CHIC1: variants seen among roughly 807,000 people sequenced by gnomAD.
CHIC1 encodes the protein cysteine rich hydrophobic domain 1.
Under a neutral mutation model 18.5 loss-of-function variants are expected in CHIC1, and 7 were observed. The ratio of observed to expected loss-of-function variants is 0.38; its 90% confidence interval spans 0.22 to 0.71. The LOEUF is 0.71. CHIC1 is among the 30% of genes least tolerant of loss of function. The pLI is 0.49. For missense variants in CHIC1, 159 were observed against 176.9 expected (o/e 0.90, Z 0.57); for synonymous variants, 77 against 73.5 (o/e 1.05, Z -0.25).
At chrX:73,618,502 C>T (rs1225081587) in intron 3 of CHIC1, among the ~76,000 whole-genome samples, 2 of 110,980 alleles carry the variant, frequency 1.8e-5, no homozygotes, top group Non-Finnish European at 3.8e-5. Flanking sequence ...GTTATGTTCC[C>T]AGGGGATTAT....
Position 73,577,474 on chromosome X carries a change from T to C in CHIC1, c.351+13T>C. On this transcript the variant is annotated intron_variant, in intron 2 of 5. Transcript: ENST00000373502. ...TCTAACAGGGAAGGTAAGTGAGAATTTGCTTTGAACTTTTCAGTTCTAAAG... is the reference window on the plus strand; with the variant it reads ...TCTAACAGGGAAGGTAAGTGAGAATCTGCTTTGAACTTTTCAGTTCTAAAG... The C allele has an allele frequency of 8.6e-7, 1 of 1,161,491 alleles. No homozygotes were observed. Among genetic ancestry groups the C allele is most frequent in the Non-Finnish European group, 1.2e-6 (1 of 851,669 alleles).
chrX:73,654,513 T>C (rs2057932493), intron 3 of CHIC1, among the ~76,000 whole-genome samples: 1 of 112,247 alleles, frequency 8.9e-6, no homozygotes, highest in African/African-American at 3.2e-5. Flanking sequence ...TATTCTTCTC[T>C]GGCTTTGGTA....
At position 73,605,938 on chromosome X, in the gene CHIC1, A is replaced by G. The variant is rs370893002; in HGVS notation, c.507+21366A>G. ...GCTGCCCTTAACATTTTTTTCTTCA[A>G]TTCAGCTTTGGTGAATCTGATGATT... On this transcript the variant is annotated intron_variant, in intron 3 of 5. Coordinates refer to ENST00000373502, the MANE Select transcript of CHIC1 (RefSeq NM_001039840.4). Among the ~76,000 whole-genome samples, 8 of 107,753 alleles carry G rather than the reference A, an allele frequency of 7.4e-5. 1 individual carries two copies. Among genetic ancestry groups the G allele is most frequent in the East Asian group, 2.9e-4 (1 of 3,505 alleles). The allele number at this position is 107,753 out of a possible 115,157, so 93.6% of individuals were successfully genotyped here.
intron 3 of CHIC1, among the ~76,000 whole-genome samples, chrX:73,640,263 C>T (rs186105929): frequency 2.7e-5 from 3 of 111,688 alleles, no homozygotes; most frequent in South Asian, 7.5e-4. Flanking sequence ...TTTGTGAAAG[C>T]GTTTTCTGCA....
chrX:73,655,327 CTATA>C (rs1026253959), intron 3 of CHIC1, among the ~76,000 whole-genome samples: 15 of 102,280 alleles, frequency 1.5e-4, no homozygotes, highest in African/African-American at 4.7e-4. Flanking sequence ...TACACACACA[CTATA>C]TACACTATAT....
At chrX:73,571,347 CTA>C in intron 1 of CHIC1, among the ~76,000 whole-genome samples, 2 of 111,113 alleles carry the variant, frequency 1.8e-5, no homozygotes, top group East Asian at 5.7e-4. Flanking sequence ...AAAACTGCAT[CTA>C]TGTCTTTGTA....
At chrX:73,564,973 C>T (rs2057438466) in intron 1 of CHIC1, among the ~76,000 whole-genome samples, 1 of 109,206 alleles carries the variant, frequency 9.2e-6, no homozygotes, top group African/African-American at 3.3e-5. Flanking sequence ...TTGTAATATA[C>T]TTTCGTAATC....
At chrX:73,656,732 C>T (rs1047645058) in intron 3 of CHIC1, among the ~76,000 whole-genome samples, 6 of 111,962 alleles carry the variant, frequency 5.4e-5, no homozygotes, top group Admixed American at 2.8e-4. Context: ...AGTCAGGTAG[C>T]GTGATGCCTT....
intron 3 of CHIC1, among the ~76,000 whole-genome samples, chrX:73,600,022 G>A (rs1277874778): frequency 9.8e-6 from 1 of 101,525 alleles, no homozygotes; most frequent in Non-Finnish European, 1.9e-5. Context: ...GCAGTGGTTT[G>A]TAGTTCTCCT....
At chrX:73,614,361 G>C in intron 3 of CHIC1, among the ~76,000 whole-genome samples, 1 of 111,015 alleles carries the variant, frequency 9.0e-6, no homozygotes, top group East Asian at 2.8e-4. Context: ...TTCTTTGAAT[G>C]GTATCTATTT....
intron 3 of CHIC1, among the ~76,000 whole-genome samples, chrX:73,659,054 C>T (rs1450147084): frequency 8.9e-6 from 1 of 111,831 alleles, no homozygotes; most frequent in Non-Finnish European, 1.9e-5. Flanking sequence ...TTATTTAGCA[C>T]AGGTTTAATG....
intron 3 of CHIC1, among the ~76,000 whole-genome samples, chrX:73,650,097 T>A (rs1350388524): frequency 1.8e-5 from 2 of 111,994 alleles, no homozygotes; most frequent in Non-Finnish European, 1.9e-5. Context: ...CCTGGATAAA[T>A]AGCAAAATTA....
At chrX:73,602,062 C>A (rs1342467892) in intron 3 of CHIC1, among the ~76,000 whole-genome samples, 1 of 105,178 alleles carries the variant, frequency 9.5e-6, no homozygotes, top group Non-Finnish European at 1.9e-5. Flanking sequence ...TTCAGAAATT[C>A]AGGCAATAAT....
intron 3 of CHIC1, among the ~76,000 whole-genome samples, chrX:73,646,422 T>C (rs2057889651): frequency 8.9e-6 from 1 of 112,469 alleles, no homozygotes; most frequent in Admixed American, 9.4e-5. Context: ...AAATGCTTTT[T>C]CTATTTTTGT....
chrX:73,605,615 T>C (rs940646343), intron 3 of CHIC1, among the ~76,000 whole-genome samples: 2 of 109,001 alleles, frequency 1.8e-5, no homozygotes, highest in Non-Finnish European at 3.8e-5. Flanking sequence ...TGATATGTTT[T>C]TGCAGTAGCT....
intron 2 of CHIC1, among the ~76,000 whole-genome samples, chrX:73,583,600 G>A (rs1465251011): frequency 9.0e-6 from 1 of 111,131 alleles, no homozygotes; most frequent in Admixed American, 9.6e-5. Flanking sequence ...TGATTTCACT[G>A]AAAGCAAACT....
intron 1 of CHIC1, among the ~76,000 whole-genome samples, chrX:73,572,959 T>C (rs951086204): frequency 4.5e-5 from 5 of 111,522 alleles, no homozygotes; most frequent in Non-Finnish European, 9.5e-5. Context: ...AACTAGGTCT[T>C]AATCAATTTT....
chrX:73,672,401 C>G (rs938740894), intron 3 of CHIC1, among the ~76,000 whole-genome samples: 1 of 111,319 alleles, frequency 9.0e-6, no homozygotes, highest in Admixed American at 9.5e-5. Flanking sequence ...TAAAAGTGTT[C>G]CTATTTCTCC....
In CHIC1 at chrX:73,627,871, C is replaced by T. The variant is rs767951678; in HGVS notation, c.507+43299C>T. On this transcript the variant is annotated intron_variant, in intron 3 of 5. Transcript: ENST00000373502. ...CTGCTTTTCTTAGTCAGGAGTTTTG[C>T]CCCACAGCCACTGCTGGTAATGTGC... 5.4e-5 allele frequency among the ~76,000 whole-genome samples: 6 copies of T among 111,891 alleles called. No individual in the cohort carries two copies. In the East Asian group the frequency reaches 1.7e-3, roughly 32 times the overall value.
Sources: gnomAD v4.1 joint callset for allele counts (sites outside exome capture counted in the v4.1 genomes callset) on GRCh38, gnomAD v4.1.1 for gene constraint, MANE v1.5 for transcripts, NCBI Gene and HGNC (gene_info 2026-07-23, HGNC 2026-07-21) for gene names.